MAN2C1: variants seen among roughly 807,000 people sequenced by gnomAD.
The protein encoded by MAN2C1 is alpha-mannosidase 2C1.
MAN2C1 carries 111 observed loss-of-function variants against 126.9 expected under a neutral mutation model. The ratio of observed to expected loss-of-function variants is 0.87; its 90% CI spans 0.75 to 1.02. The LOEUF is 1.02. Among genes scored for constraint, MAN2C1 ranks in the 50% least tolerant of loss-of-function variants. The pLI is 0.00. For synonymous variants in MAN2C1, 567 were observed against 561.5 expected, an observed-to-expected ratio of 1.01 and a Z score of -0.14; for missense variants, 1,363 against 1,364.4, an observed-to-expected ratio of 1.00 and a Z score of 0.02.
Position 75,356,286 on chromosome 15 carries a change from C to A in MAN2C1, c.2886+15G>T. On this transcript the variant is annotated intron_variant, in intron 24 of 25. Transcript: ENST00000267978. This position sits in a 1 kb window ranked among gnomAD's most constrained non-coding sequence, Gnocchi z 5.8. Reference sequence around the variant, plus strand: ...CCAGTTCGGAACCCCGTCCCCAGCACGTCCCACCCCTTGCCTGCTTGACGG... The same window carrying A: ...CCAGTTCGGAACCCCGTCCCCAGCAAGTCCCACCCCTTGCCTGCTTGACGG... 2 of 1,611,880 alleles carry A rather than the reference C, an allele frequency of 1.2e-6. No homozygotes were observed. Among genetic ancestry groups the A allele is most frequent in the Non-Finnish European group, 1.7e-6 (2 of 1,179,194 alleles).
chr15:75,361,230 A>C lies in MAN2C1; in HGVS notation c.1315-39T>G. ...GGCAGGCCAGCATGGATCAGCCTGG[A>C]ACAAGCCAGCCCTCTCCAGCCTGCC... On this transcript the variant is annotated intron_variant, in intron 11 of 25. Coordinates refer to ENST00000267978, the MANE Select transcript of MAN2C1 (RefSeq NM_006715.4). The surrounding 1 kb of genome is among the most constrained non-coding windows in gnomAD (Gnocchi z 5.0). 1 of 1,601,124 alleles carries C rather than the reference A, an allele frequency of 6.2e-7. No individual in the cohort carries two copies. The highest frequency in any genetic ancestry group is 8.5e-7 in the Non-Finnish European group (1 of 1,174,742).
intron 21 of MAN2C1, chr15:75,357,182 C>G (rs2072341524): frequency 2.6e-6 from 1 of 382,656 alleles, no homozygotes; most frequent in South Asian, 3.0e-5. Context: ...CTCAGTCTGT[C>G]ACCCAGGCTG....
chr15:75,357,092 GAATA>G (rs1414406157), intron 21 of MAN2C1, 190 bp from the exon 22 acceptor site: 5 of 595,976 alleles, frequency 8.4e-6, no homozygotes, highest in Non-Finnish European at 1.5e-5. Context: ...TGTGAAACGG[GAATA>G]AATAATAGTA....
chr15:75,364,042 G>A lies in MAN2C1; in HGVS notation c.747C>T (p.Ser249=). ...GCCCTGTGGCATGAATGGTGTGTTGGCTTTCACCCCCATGTTGGCCAAAGA... is the reference window on the plus strand; with the variant it reads ...GCCCTGTGGCATGAATGGTGTGTTGACTTTCACCCCCATGTTGGCCAAAGA... ...SRFFGQHGGE[S]QHTIHATGHC... The change falls in exon 6 of 26, where the codon AGC becomes AGT. Residue 249 remains serine, a synonymous_variant. Transcript: ENST00000267978. The A allele has an allele frequency of 6.2e-7, 1 of 1,614,158 alleles. No individual in the cohort carries two copies. The highest frequency in any genetic ancestry group is 8.5e-7 in the Non-Finnish European group (1 of 1,180,028).
chr15:75,360,337 G>A (rs1258464071), intron 13 of MAN2C1, 126 bp from the exon 14 acceptor site: 2 of 1,410,024 alleles, frequency 1.4e-6, no homozygotes, highest in Non-Finnish European at 1.9e-6. Flanking sequence ...CCTCTGGCGG[G>A]TGACCTGCCT....
rs757406472 is a variant in MAN2C1, at chr15:75,361,949, T to G, written c.1009-2A>C. On this transcript the variant is annotated splice_acceptor_variant, in intron 8 of 25. Coordinates refer to ENST00000267978, the MANE Select transcript of MAN2C1 (RefSeq NM_006715.4). LOFTEE classifies it high-confidence loss of function. The surrounding 1 kb of genome is among the most constrained non-coding windows in gnomAD (Gnocchi z 5.0). Reference sequence around the variant, plus strand: ...CTCTCCACTGGGCAGGTTCCCATCCTGGCAGTGAAGGAAGTGGGAGGCAGC... The same window carrying G: ...CTCTCCACTGGGCAGGTTCCCATCCGGGCAGTGAAGGAAGTGGGAGGCAGC... 2.9e-5 allele frequency: 47 copies of G among 1,613,036 alleles called. No individual in the cohort carries two copies. Among genetic ancestry groups the G allele is most frequent in the African/African-American group, 4.0e-5 (3 of 74,934 alleles).
Position 75,361,311 on chromosome 15 carries a change from T to C in MAN2C1, c.1289A>G (p.Tyr430Cys), listed in dbSNP as rs1318354182. The C allele has an allele frequency of 8.3e-6, 13 of 1,569,286 alleles. No homozygotes were observed. The highest frequency in any genetic ancestry group is 2.7e-5 in the African/African-American group (2 of 74,174). The stretch of plus-strand genomic sequence containing the variant: ...CTCCTCCACGCTGCCCTGCATCCCA[T>C]AGGAGTCGCCAGGTGGGAAGTGGAC... ...VLVHFPPGDS[Y>C]GMQGSVEEVL... Residue 430 changes from tyrosine (Y) to cysteine (C), a missense_variant, in exon 11 of 26, where the codon TAT (tyrosine) becomes TGT (cysteine). Tyr to Cys is a radical substitution (Grantham distance 194). Coordinates refer to ENST00000267978, the MANE Select transcript of MAN2C1 (RefSeq NM_006715.4). This position sits in a 1 kb window ranked among gnomAD's most constrained non-coding sequence, Gnocchi z 5.0.
rs1439025929 is a variant in MAN2C1 at position 75,362,364 on chromosome 15, C to CA, written c.986dup (p.Thr332HisfsTer36). ...TTACCATCTCCACCCAGGTGCCCCC[C>CA]ACAGGCACAAACTGCCCACGGCACG... On this transcript the variant is annotated frameshift_variant, in exon 8 of 26. Transcript: ENST00000267978. LOFTEE classifies it high-confidence loss of function. This position sits in a 1 kb window ranked among gnomAD's most constrained non-coding sequence, Gnocchi z 4.5. The CA allele has an allele frequency of 6.2e-7, 1 of 1,613,834 alleles. No individual in the cohort carries two copies. Among genetic ancestry groups the CA allele is most frequent in the Non-Finnish European group, 8.5e-7 (1 of 1,180,026 alleles).
chr15:75,361,471 T>A lies in MAN2C1; in HGVS notation c.1219-90A>T. 1 of 1,278,058 alleles carries A rather than the reference T, an allele frequency of 7.8e-7. No individual in the cohort carries two copies. The highest frequency in any genetic ancestry group is 1.1e-6 in the Non-Finnish European group (1 of 878,478). 79.2% of individuals were successfully genotyped at this position (1,278,058 alleles called of 1,614,324 possible). On this transcript the variant is annotated intron_variant, in intron 10 of 25. Transcript: ENST00000267978. The surrounding 1 kb of genome is among the most constrained non-coding windows in gnomAD (Gnocchi z 5.0). ...TTCCAGACTTGGTCCTGCCCCTGCCTGCTATGTGACCCTGGCAGAGGCAGA... is the reference window on the plus strand; with the variant it reads ...TTCCAGACTTGGTCCTGCCCCTGCCAGCTATGTGACCCTGGCAGAGGCAGA...
In MAN2C1 at chr15:75,364,093, T is replaced by C. The variant is rs752352355; in HGVS notation, c.696A>G (p.Pro232=). The change falls in exon 6 of 26, where the codon CCA becomes CCG. Residue 232 remains proline, a synonymous_variant. Transcript: ENST00000267978. The part of the protein sequence containing the change: ...VCDPAQPETF[P]VAQALASRFF... ...ACCTGGAGGCCAGGGCCTGGGCCAC[T>C]GGGAAGGTCTCGGGCTGGGCAGGGT... 13 of 1,614,056 alleles carry C rather than the reference T, an allele frequency of 8.1e-6. No homozygotes were observed. The East Asian group carries it at 2.2e-4, about 28-fold the overall frequency.
rs1169225866 is a variant in MAN2C1, at chr15:75,362,333, G to A, written c.1008+10C>T. 2 of 1,611,158 alleles carry A rather than the reference G, an allele frequency of 1.2e-6. No homozygotes were observed. The highest frequency in any genetic ancestry group is 1.7e-6 in the Non-Finnish European group (2 of 1,177,620). On this transcript the variant is annotated intron_variant, in intron 8 of 25. Transcript: ENST00000267978. The surrounding 1 kb of genome is among the most constrained non-coding windows in gnomAD (Gnocchi z 4.5). ...ACAGTTCAAGGCTGAGGAGTGCCCA[G>A]TGCACTTACCATCTCCACCCAGGTG...
At chr15:75,368,037 G>T in intron 2 of MAN2C1, 36 bp downstream of exon 2, 3 of 1,582,654 alleles carry the variant, frequency 1.9e-6, no homozygotes, top group Non-Finnish European at 2.6e-6. Flanking sequence ...CTTCCCCTAG[G>T]CCTGTGGCCC....
At position 75,361,403 on chromosome 15, in the gene MAN2C1, C is replaced by T; in HGVS notation, c.1219-22G>A. ...GGTGCTACCAGCAGGGAAACAGAAG[C>T]AGGGCAGAGAGGCCAGAGTCAGGGC... On this transcript the variant is annotated intron_variant, in intron 10 of 25. Coordinates refer to ENST00000267978, the MANE Select transcript of MAN2C1 (RefSeq NM_006715.4). The surrounding 1 kb of genome is among the most constrained non-coding windows in gnomAD (Gnocchi z 5.0). 3.2e-6 allele frequency: 5 copies of T among 1,543,244 alleles called. No homozygotes were observed. Among genetic ancestry groups the T allele is most frequent in the Non-Finnish European group, 4.4e-6 (5 of 1,133,398 alleles).
At chr15:75,358,034 C>T (rs962852319) in intron 21 of MAN2C1, 167 bp downstream of exon 21, 18 of 829,620 alleles carry the variant, frequency 2.2e-5, no homozygotes, top group South Asian at 8.3e-5. Flanking sequence ...GAATTACAGG[C>T]GTGAGCCACT....
chr15:75,361,419 G>T lies in MAN2C1; in HGVS notation c.1219-38C>A. On this transcript the variant is annotated intron_variant, in intron 10 of 25. Transcript: ENST00000267978. The surrounding 1 kb of genome is among the most constrained non-coding windows in gnomAD (Gnocchi z 5.0). ...AAACAGAAGCAGGGCAGAGAGGCCAGAGTCAGGGCTGAGGCAGAGCCAGGC... is the reference window on the plus strand; with the variant it reads ...AAACAGAAGCAGGGCAGAGAGGCCATAGTCAGGGCTGAGGCAGAGCCAGGC... 1 of 1,498,392 alleles carries T rather than the reference G, an allele frequency of 6.7e-7. No homozygotes were observed. Among genetic ancestry groups the T allele is most frequent in the South Asian group, 1.2e-5 (1 of 85,614 alleles). 92.8% of individuals were successfully genotyped at this position (1,498,392 alleles called of 1,614,324 possible).
At chr15:75,367,893 C>T (rs1238872334) in intron 2 of MAN2C1, 180 bp downstream of exon 2, 2 of 971,476 alleles carry the variant, frequency 2.1e-6, no homozygotes, top group Admixed American at 5.8e-5. Flanking sequence ...GAAAACCATC[C>T]CCTGAAGACC....
Position 75,364,504 on chromosome 15 carries a change from A to G in MAN2C1, c.584T>C (p.Leu195Pro). The change falls in exon 5 of 26, where the codon CTG (leucine) becomes CCG (proline). Residue 195 changes from leucine to proline, a missense_variant. Leu to Pro is a moderately conservative substitution (Grantham distance 98). Around this residue, in one of 3 missense-constraint regions of MAN2C1, gnomAD observed 628 missense variants for 609.8 expected, o/e 1.03. Transcript: ENST00000267978. ...GTCAAGTACCTTGGCTATGCCCAGC[A>G]GCAGCTCCAGATCCACCAGGAGCAT... is the stretch of plus-strand genomic sequence containing the variant. Reference protein sequence around the residue: ...VHMLLVDLELLLGIAKGLGKD... With the variant: ...VHMLLVDLELPLGIAKGLGKD... 6.3e-7 allele frequency: 1 copy of G among 1,596,164 alleles called. No individual in the cohort carries two copies. The highest frequency in any genetic ancestry group is 8.5e-7 in the Non-Finnish European group (1 of 1,171,192).
rs1357547502 is a variant in MAN2C1 at position 75,359,114 on chromosome 15, C to G, written c.2086G>C (p.Val696Leu). 1 of 1,614,064 alleles carries G rather than the reference C, an allele frequency of 6.2e-7. No homozygotes were observed. Residue 696 changes from valine to leucine, a missense_variant, in exon 18 of 26, where the codon GTG (valine) becomes CTG (leucine). Val to Leu is a conservative substitution (Grantham distance 32). Around this residue, in one of 3 missense-constraint regions of MAN2C1, gnomAD observed 668 missense variants for 650.1 expected, o/e 1.03. Transcript: ENST00000267978. ...AGGCGACCAGTTGGGTCCAGCTTCA[C>G]TCGGATGATGCCATTGTCCAGAGTC... is the stretch of plus-strand genomic sequence containing the variant. ...SVTLDNGIIR[V>L]KLDPTGRLTS...
chr15:75,363,617 CCAA>C, intron 6 of MAN2C1: 1 of 329,454 alleles, frequency 3.0e-6, no homozygotes, highest in Non-Finnish European at 5.9e-6. Context: ...ACCAGCCTGG[CCAA>C]CGTGGTGAAA....
Sources: gnomAD v4.1 joint callset for allele counts on GRCh38, gnomAD v4.1.1 for gene constraint, gnomAD v4.1.1 regional missense constraint, Gnocchi (gnomAD v3.1) non-coding constraint, MANE v1.5 for transcripts, NCBI Gene and HGNC (gene_info 2026-07-23, HGNC 2026-07-21) for gene names.